CFAP299: variants seen among roughly 807,000 people sequenced by gnomAD.
The protein encoded by CFAP299 is cilia- and flagella-associated protein 299.
A neutral mutation model predicts 27.0 loss-of-function variants in CFAP299; 21 were observed. The observed-to-expected ratio is 0.78, with a 90% confidence interval of 0.55 to 1.12. CFAP299 has a LOEUF of 1.12. Among genes scored for constraint, CFAP299 ranks in the 50% most tolerant of loss-of-function variants. The pLI, the probability that CFAP299 is intolerant of heterozygous loss-of-function variation, is 0.00. For missense variants in CFAP299, 310 were observed against 276.6 expected (o/e 1.12, Z -0.86); for synonymous variants, 104 against 98.1 (o/e 1.06, Z -0.36).
chr4:80,793,991 A>G (rs1400530647), intron 3 of CFAP299, among the ~76,000 whole-genome samples: 4 of 152,156 alleles, frequency 2.6e-5, no homozygotes, highest in African/African-American at 9.7e-5. Context: ...GGCCATTTGT[A>G]GTCTTGTCTG....
intron 3 of CFAP299, among the ~76,000 whole-genome samples, chr4:80,859,826 C>T (rs918652285): frequency 1.3e-5 from 2 of 152,114 alleles, no homozygotes; most frequent in African/African-American, 2.4e-5. Flanking sequence ...CGACCTTTCT[C>T]TCTGGCTGCC....
chr4:80,913,284 A>G (rs552279565), intron 4 of CFAP299, among the ~76,000 whole-genome samples: 1 of 152,292 alleles, frequency 6.6e-6, no homozygotes, highest in African/African-American at 2.4e-5. Flanking sequence ...ATTATATGGG[A>G]GAAGTAGGAA....
intron 2 of CFAP299, among the ~76,000 whole-genome samples, chr4:80,486,725 A>T (rs1367000507): frequency 6.6e-6 from 1 of 152,228 alleles, no homozygotes; most frequent in Admixed American, 6.5e-5. Context: ...GCCCCGAGGC[A>T]TACATATGAC....
intron 3 of CFAP299, among the ~76,000 whole-genome samples, chr4:80,802,145 C>A (rs1728644397): frequency 6.6e-6 from 1 of 151,968 alleles, no homozygotes; most frequent in Non-Finnish European, 1.5e-5. Flanking sequence ...TATTTGAAAA[C>A]GTTCTTATCT....
At chr4:80,912,295 C>T (rs1735516073) in intron 4 of CFAP299, among the ~76,000 whole-genome samples, 1 of 152,160 alleles carries the variant, frequency 6.6e-6, no homozygotes, top group South Asian at 2.1e-4. Context: ...GAATAGTTAG[C>T]CATCAACTTA....
chr4:80,475,680 A>G (rs776197980), intron 2 of CFAP299, among the ~76,000 whole-genome samples: 16 of 152,234 alleles, frequency 1.1e-4, no homozygotes, highest in Non-Finnish European at 1.6e-4. Flanking sequence ...TCCACTGTTG[A>G]TATCTGAGTT....
intron 4 of CFAP299, among the ~76,000 whole-genome samples, chr4:80,924,992 T>C (rs1230636673): frequency 6.6e-6 from 1 of 151,932 alleles, no homozygotes; most frequent in East Asian, 1.9e-4. Context: ...TCAAGGACAT[T>C]TATGGCACAC....
At chr4:80,704,079 TATC>T (rs1721676851) in intron 3 of CFAP299, among the ~76,000 whole-genome samples, 1 of 151,642 alleles carries the variant, frequency 6.6e-6, no homozygotes, top group Non-Finnish European at 1.5e-5. Context: ...GAGAAGATTG[TATC>T]ATCTGGGAAA....
chr4:80,743,439 T>A (rs181212036), intron 3 of CFAP299, among the ~76,000 whole-genome samples: 1 of 152,164 alleles, frequency 6.6e-6, no homozygotes, highest in African/African-American at 2.4e-5. Context: ...TCTGATAAAA[T>A]AGGAAATATA....
At chr4:80,356,266 G>A (rs765232057) in intron 1 of CFAP299, among the ~76,000 whole-genome samples, 7 of 152,224 alleles carry the variant, frequency 4.6e-5, no homozygotes, top group South Asian at 2.1e-4. Flanking sequence ...GTCAGGTACC[G>A]TGATGCCTCC....
chr4:80,687,380 T>C (rs1158791251), intron 3 of CFAP299, among the ~76,000 whole-genome samples: 1 of 152,180 alleles, frequency 6.6e-6, no homozygotes, highest in African/African-American at 2.4e-5. Context: ...TCCATCTTAA[T>C]GTCCTCATTT....
intron 3 of CFAP299, among the ~76,000 whole-genome samples, chr4:80,658,028 T>C (rs1372840161): frequency 6.6e-6 from 1 of 152,162 alleles, no homozygotes; most frequent in Non-Finnish European, 1.5e-5. Context: ...TTTGGCTCTC[T>C]GATTGTCTAT....
intron 4 of CFAP299, among the ~76,000 whole-genome samples, chr4:80,897,590 A>G (rs1429724913): frequency 6.6e-6 from 1 of 152,152 alleles, no homozygotes; most frequent in Non-Finnish European, 1.5e-5. Context: ...TGAGGTGGCA[A>G]AAAAGCTGCA....
chr4:80,872,833 A>G (rs1444481194), intron 4 of CFAP299: 15 of 879,754 alleles, frequency 1.7e-5, no homozygotes, highest in African/African-American at 1.8e-5. Context: ...AAATTATAAG[A>G]TTCGTTTTAT....
intron 3 of CFAP299, among the ~76,000 whole-genome samples, chr4:80,718,495 A>G (rs1722620014): frequency 6.6e-6 from 1 of 152,136 alleles, no homozygotes; most frequent in Admixed American, 6.6e-5. Flanking sequence ...AGATAATAGT[A>G]GTGGAAGTTT....
intron 2 of CFAP299, among the ~76,000 whole-genome samples, chr4:80,517,063 T>G (rs1560604050): frequency 6.6e-6 from 1 of 152,214 alleles, no homozygotes; most frequent in Non-Finnish European, 1.5e-5. Context: ...TAAGGACAGA[T>G]GAGCTTCCAT....
chr4:80,895,189 C>CAT (rs112628422), intron 4 of CFAP299, among the ~76,000 whole-genome samples: 21,065 of 151,664 alleles, frequency 0.14, 3,193 homozygotes, highest in African/African-American at 0.38. Flanking sequence ...CACACACACA[C>CAT]ACACACACAC....
intron 1 of CFAP299, among the ~76,000 whole-genome samples, chr4:80,350,479 G>T (rs897073415): frequency 6.6e-6 from 1 of 152,106 alleles, no homozygotes; most frequent in Non-Finnish European, 1.5e-5. Flanking sequence ...AAAGACACAT[G>T]CACATATATG....
At position 80,387,501 on chromosome 4, in the gene CFAP299, C is replaced by T. The variant is rs142146616; in HGVS notation, c.242+24617C>T. 1,365 of 824,218 alleles carry T rather than the reference C, an allele frequency of 1.7e-3. 14 individuals are homozygous for T. The African/African-American group carries it at 0.02, about 12-fold the overall frequency. The allele number at this position is 824,218 out of a possible 1,614,324, so 51.1% of individuals were successfully genotyped here. A position where few individuals can be genotyped will look rare whatever the true frequency, so the allele number is the denominator to read the frequency against. ...TGCTATCGCTGGCTGTGGGCCAGGC[C>T]TGGAGCTGTGGCGAGCTTGGTAGGG... On this transcript the variant is annotated intron_variant, in intron 2 of 5. Coordinates refer to ENST00000358105, the MANE Select transcript of CFAP299 (RefSeq NM_152770.3).
Sources: allele counts gnomAD v4.1 joint callset (sites outside exome capture counted in the v4.1 genomes callset), GRCh38; gene constraint gnomAD v4.1.1; transcripts MANE v1.5; gene names NCBI Gene and HGNC (gene_info 2026-07-23, HGNC 2026-07-21).